Variants in PRKAA2 observed in about 807,000 individuals in gnomAD.
The protein encoded by PRKAA2 is 5'-AMP-activated protein kinase catalytic subunit alpha-2.
PRKAA2 carries 40 observed loss-of-function variants against 56.3 expected under a neutral mutation model. The ratio of observed to expected loss-of-function variants is 0.71; its 90% CI spans 0.55 to 0.92. PRKAA2 has a LOEUF of 0.92. Ranked by LOEUF, PRKAA2 falls within the 40% of genes least tolerant of loss-of-function variation. The pLI is 0.00. For synonymous variants in PRKAA2, 214 were observed against 234.2 expected (o/e 0.91, Z 0.79); for missense variants, 542 against 686.9 (o/e 0.79, Z 2.36).
At chr1:56,686,252 A>G (rs1387300108) in intron 2 of PRKAA2, among the ~76,000 whole-genome samples, 2 of 152,250 alleles carry the variant, frequency 1.3e-5, no homozygotes, top group African/African-American at 4.8e-5. Context: ...TGGAGAATAT[A>G]TAAATCCACC....
intron 1 of PRKAA2, among the ~76,000 whole-genome samples, chr1:56,655,413 C>CTT (rs10710505): frequency 2.1e-5 from 3 of 139,962 alleles, no homozygotes; most frequent in Non-Finnish European, 3.1e-5. Flanking sequence ...CCATGCCCAG[C>CTT]TTTTTTTTTT....
At chr1:56,677,429 A>G (rs1644120982) in intron 2 of PRKAA2, among the ~76,000 whole-genome samples, 1 of 152,160 alleles carries the variant, frequency 6.6e-6, no homozygotes, top group African/African-American at 2.4e-5. Context: ...TAAAAGTGTC[A>G]TATGCTAGAA....
In PRKAA2 at chr1:56,714,931, T is replaced by TTGA. The variant is rs1229392613; in HGVS notation, c.*7220_*7222dup. The TTGA allele has an allele frequency of 6.6e-6, 1 of 152,114 alleles. No homozygotes were observed. The highest frequency in any genetic ancestry group is 1.5e-5 in the Non-Finnish European group (1 of 67,996). 9.4% of individuals were successfully genotyped at this position (152,114 alleles called of 1,614,324 possible). ...TGAAAAAGAAAAAAAAATCCATAGG[T>TTGA]TGATACATTGACCCATTGAAGTACT... On this transcript the variant is annotated 3_prime_UTR_variant, in exon 9 of 9. Transcript: ENST00000371244.
At chr1:56,666,548 A>G (rs1644037402) in intron 1 of PRKAA2, among the ~76,000 whole-genome samples, 1 of 152,202 alleles carries the variant, frequency 6.6e-6, no homozygotes, top group South Asian at 2.1e-4. Flanking sequence ...TAAATAGTTC[A>G]CATATTTAAT....
intron 2 of PRKAA2, among the ~76,000 whole-genome samples, chr1:56,679,171 G>A (rs1258103679): frequency 6.6e-6 from 1 of 151,920 alleles, no homozygotes; most frequent in Non-Finnish European, 1.5e-5. Context: ...TATCTTCCTG[G>A]CTGTTAAGTA....
intron 2 of PRKAA2, among the ~76,000 whole-genome samples, chr1:56,691,142 AG>A (rs1425417437): frequency 6.6e-6 from 1 of 152,234 alleles, no homozygotes; most frequent in Non-Finnish European, 1.5e-5. Context: ...GTTGTTGAAG[AG>A]GGAAAGATTT....
chr1:56,680,748 C>T (rs1301624684), intron 2 of PRKAA2, among the ~76,000 whole-genome samples: 1 of 152,176 alleles, frequency 6.6e-6, no homozygotes. Context: ...TTTCTTAATC[C>T]AGTCTATCAC....
At chr1:56,673,335 C>T (rs1644090991) in intron 1 of PRKAA2, among the ~76,000 whole-genome samples, 1 of 152,096 alleles carries the variant, frequency 6.6e-6, no homozygotes, top group African/African-American at 2.4e-5. Context: ...GTTCACTGCA[C>T]TGCATTCCAG....
At chr1:56,700,607 C>T (rs1048922421) in intron 6 of PRKAA2, among the ~76,000 whole-genome samples, 80 of 152,120 alleles carry the variant, frequency 5.3e-4, no homozygotes, top group Non-Finnish European at 2.1e-4. Flanking sequence ...CAGGCAGTTG[C>T]GATGTTAGAC....
At chr1:56,659,614 A>G (rs972916215) in intron 1 of PRKAA2, among the ~76,000 whole-genome samples, 1 of 152,168 alleles carries the variant, frequency 6.6e-6, no homozygotes, top group Non-Finnish European at 1.5e-5. Context: ...ATCTAAAGCC[A>G]GTATAAACAC....
intron 2 of PRKAA2, among the ~76,000 whole-genome samples, chr1:56,689,109 TC>T (rs1294867426): frequency 6.6e-6 from 1 of 152,140 alleles, no homozygotes; most frequent in Non-Finnish European, 1.5e-5. Context: ...TAGAATGTCA[TC>T]ACTTCTTTTC....
At chr1:56,688,250 A>C (rs1421245743) in intron 2 of PRKAA2, among the ~76,000 whole-genome samples, 1 of 151,964 alleles carries the variant, frequency 6.6e-6, no homozygotes, top group East Asian at 1.9e-4. Flanking sequence ...GGGAAATTTT[A>C]TTGGTTGAAG....
chr1:56,661,611 T>C (rs1021977205), intron 1 of PRKAA2, among the ~76,000 whole-genome samples: 6 of 152,196 alleles, frequency 3.9e-5, no homozygotes, highest in African/African-American at 1.4e-4. Flanking sequence ...TTGGTTGTTA[T>C]GATTAATGCT....
chr1:56,704,328 T>G lies in PRKAA2; in HGVS notation c.1146T>G (p.Cys382Trp). The G allele has an allele frequency of 6.2e-7, 1 of 1,614,108 alleles. No homozygotes were observed. Among genetic ancestry groups the G allele is most frequent in the Non-Finnish European group, 8.5e-7 (1 of 1,180,022 alleles). The change falls in exon 7 of 9, where the codon TGT (cysteine) becomes TGG (tryptophan). Residue 382 changes from cysteine to tryptophan, a missense_variant. Physicochemically the swap from Cys to Trp is radical, Grantham distance 215. Coordinates refer to ENST00000371244, the MANE Select transcript of PRKAA2 (RefSeq NM_006252.4). ...PLIADSPKARCPLDALNTTKP... is the reference protein window; with the variant it reads ...PLIADSPKARWPLDALNTTKP... Reference sequence around the variant, plus strand: ...TAGCAGACAGCCCCAAAGCAAGATGTCCATTGGATGCACTGAATACGACTA... The same window carrying G: ...TAGCAGACAGCCCCAAAGCAAGATGGCCATTGGATGCACTGAATACGACTA...
At chr1:56,706,265 A>G (rs1429267538) in intron 8 of PRKAA2, 47 bp downstream of exon 8, 8 of 1,588,734 alleles carry the variant, frequency 5.0e-6, no homozygotes, top group Non-Finnish European at 6.8e-6. Flanking sequence ...AAAACTTGGC[A>G]CTAGTTGACC....
rs1231497088 is a variant in PRKAA2, at chr1:56,711,062, G to T, written c.*3349G>T. ...TTAAGAGACACTTTTGTAATCTCTA[G>T]TGTTTACATTCCTTTATACTAGCTA... is the stretch of plus-strand genomic sequence containing the variant. On this transcript the variant is annotated 3_prime_UTR_variant, in exon 9 of 9. Transcript: ENST00000371244. 6.6e-6 allele frequency: 1 copy of T among 152,030 alleles called. No homozygotes were observed. The highest frequency in any genetic ancestry group is 2.4e-5 in the African/African-American group (1 of 41,434). The allele number at this position is 152,030 out of a possible 1,614,324, so 9.4% of individuals were successfully genotyped here. A position where few individuals can be genotyped will look rare whatever the true frequency, so the allele number is the denominator to read the frequency against.
intron 2 of PRKAA2, among the ~76,000 whole-genome samples, chr1:56,685,573 A>G (rs538764486): frequency 6.6e-6 from 1 of 152,328 alleles, no homozygotes; most frequent in Non-Finnish European, 1.5e-5. Flanking sequence ...AGAAAAAGAG[A>G]CACATTATAT....
intron 2 of PRKAA2, among the ~76,000 whole-genome samples, chr1:56,676,684 G>A (rs1386558277): frequency 6.6e-6 from 1 of 152,190 alleles, no homozygotes; most frequent in Non-Finnish European, 1.5e-5. Flanking sequence ...TCCAATTATT[G>A]TTGAGATTTG....
At chr1:56,703,877 C>G (rs1053874865) in intron 6 of PRKAA2, 94 bp from the exon 7 acceptor site, 10 of 1,383,508 alleles carry the variant, frequency 7.2e-6, no homozygotes, top group African/African-American at 5.8e-5. Flanking sequence ...GAGACCAGAT[C>G]TTTTGATTAT....
Sources: allele counts gnomAD v4.1 joint callset (sites outside exome capture counted in the v4.1 genomes callset), GRCh38; gene constraint gnomAD v4.1.1; transcripts MANE v1.5; gene names NCBI Gene and HGNC (gene_info 2026-07-23, HGNC 2026-07-21).